The following CELF1 variants were observed in gnomAD, a reference collection of about 807,000 sequenced individuals.
CELF1 encodes the protein CUGBP Elav-like family member 1, also known as 50 kDa nuclear polyadenylated RNA-binding protein.
In CELF1, 10 loss-of-function variants were observed where a neutral mutation model predicts 61.8. The ratio of observed to expected loss-of-function variants is 0.16; its 90% confidence interval spans 0.10 to 0.27. The LOEUF (loss-of-function observed/expected upper bound fraction) is 0.27, where lower values mean the gene tolerates loss of function less well. Among genes scored for constraint, CELF1 ranks in the 10% least tolerant of loss-of-function variants. CELF1 has a pLI of 1.00. For synonymous variants in CELF1, 236 were observed against 225.1 expected (o/e 1.05, Z -0.43); for missense variants, 380 against 639.1 (o/e 0.59, Z 4.37).
At chr11:47,515,295 C>T (rs1306098306) in intron 1 of CELF1, among the ~76,000 whole-genome samples, 1 of 152,154 alleles carries the variant, frequency 6.6e-6, no homozygotes, top group African/African-American at 2.4e-5. Context: ...GAGCTCTGAA[C>T]CCACCGAGGG....
At chr11:47,542,440 C>T (rs943243546) in intron 1 of CELF1, among the ~76,000 whole-genome samples, 2 of 151,874 alleles carry the variant, frequency 1.3e-5, no homozygotes, top group South Asian at 2.1e-4. Context: ...TAAGTGAGAT[C>T]CATTAGGTAT....
intron 9 of CELF1, 78 bp from the exon 10 acceptor site, chr11:47,479,030 C>T (rs1018052797): frequency 1.1e-5 from 13 of 1,228,364 alleles, no homozygotes; most frequent in Non-Finnish European, 1.5e-5. Context: ...TACAGCACAG[C>T]AAAGCGAGAG....
At chr11:47,519,479 C>CTAAATTAAA (rs1405051746) in intron 1 of CELF1, among the ~76,000 whole-genome samples, 1 of 144,928 alleles carries the variant, frequency 6.9e-6, no homozygotes, top group African/African-American at 2.6e-5. Flanking sequence ...GACTCCATCT[C>CTAAATTAAA]TAAATAAATA....
At chr11:47,489,955 T>TTTTTTTTTTTTTTTTTTTTTTA (rs71042675) in intron 3 of CELF1, among the ~76,000 whole-genome samples, 2 of 141,372 alleles carry the variant, frequency 1.4e-5, no homozygotes, top group Non-Finnish European at 3.1e-5. Context: ...TTTTTTTTTT[T>TTTTTTTTTTTTTTTTTTTTTTA]GAGACGGAAT....
chr11:47,467,949 T>C lies in CELF1; in HGVS notation c.*4281A>G, dbSNP rs1256311097. 2.0e-5 allele frequency: 3 copies of C among 152,130 alleles called. No homozygotes were observed. The highest frequency in any genetic ancestry group is 4.4e-5 in the Non-Finnish European group (3 of 68,020). The allele number at this position is 152,130 out of a possible 1,614,324, so 9.4% of individuals were successfully genotyped here. On this transcript the variant is annotated 3_prime_UTR_variant, in exon 15 of 15. Transcript: ENST00000687097. ...AATCGATCAGTTTTTGCACAAACTA[T>C]AGAAAACAGAGAGGTGAAGGTGATA...
rs749857958 is a variant in CELF1 at position 47,483,471 on chromosome 11, G to C, written c.588C>G (p.His196Gln). The C allele has an allele frequency of 1.9e-6, 3 of 1,613,874 alleles. No homozygotes were observed. The highest frequency in any genetic ancestry group is 1.7e-5 in the Admixed American group (1 of 59,984). The change falls in exon 8 of 15, where the codon CAC becomes CAG. Residue 196 changes from histidine to glutamine, a missense_variant. Transcript: ENST00000687097. ...AMAQTAIKAM[H>Q]QAQTMEGCSS... ...TCCCTACCTCCATGGTCTGTGCTTG[G>C]TGCATTGCCTTGATAGCCGTCTGTG... is the stretch of plus-strand genomic sequence containing the variant.
At chr11:47,542,206 C>A (rs545106531) in intron 1 of CELF1, among the ~76,000 whole-genome samples, 1 of 152,270 alleles carries the variant, frequency 6.6e-6, no homozygotes, top group East Asian at 1.9e-4. Flanking sequence ...CCCATCTCTA[C>A]TAAAAATACA....
At chr11:47,545,227 C>T (rs1372758964) in intron 1 of CELF1, among the ~76,000 whole-genome samples, 1 of 151,408 alleles carries the variant, frequency 6.6e-6, no homozygotes, top group African/African-American at 2.4e-5. Context: ...GTCGGGAATT[C>T]GAGACCAGCC....
At position 47,564,007 on chromosome 11, in the gene CELF1, A is replaced by AAAAC. The variant is rs555892623; in HGVS notation, c.-11+340_-11+343dup. ...GTGACAAGAGTGAAACTCTATCTTA[A>AAAAC]AAACAAACAAACAAACAAAATCTCC... On this transcript the variant is annotated intron_variant, in intron 2 of 3. Transcript: ENST00000525841. Among the ~76,000 whole-genome samples, 89 of 150,994 alleles carry AAAAC rather than the reference A, an allele frequency of 5.9e-4. 1 individual carries two copies. The highest frequency in any genetic ancestry group is 2.0e-3 in the African/African-American group (82 of 41,110).
chr11:47,493,332 C>T (rs1318372493), intron 3 of CELF1, among the ~76,000 whole-genome samples: 1 of 91,256 alleles, frequency 1.1e-5, no homozygotes, highest in African/African-American at 4.2e-5. Flanking sequence ...GAAACCCCGT[C>T]CCTACTTAAA....
chr11:47,516,525 T>G (rs572730924), intron 1 of CELF1, among the ~76,000 whole-genome samples: 1 of 152,176 alleles, frequency 6.6e-6, no homozygotes, highest in Non-Finnish European at 1.5e-5. Flanking sequence ...CTATGTTTAT[T>G]CTAGCAACTC....
In CELF1 at chr11:47,475,524, T is replaced by C; in HGVS notation, c.1088-3A>G. Reference sequence around the variant, plus strand: ...GCCACCATTTAAAGCAGCCATTCCTTGGTTGGAGGAAGAGAAGGATTAATA... The same window carrying C: ...GCCACCATTTAAAGCAGCCATTCCTCGGTTGGAGGAAGAGAAGGATTAATA... On this transcript the variant is annotated splice_polypyrimidine_tract_variant and splice_region_variant and intron_variant, in intron 12 of 14. Transcript: ENST00000687097. The C allele has an allele frequency of 3.1e-6, 5 of 1,613,740 alleles. No individual in the cohort carries two copies. Among genetic ancestry groups the C allele is most frequent in the Non-Finnish European group, 4.2e-6 (5 of 1,179,900 alleles).
rs2153341084 is a variant in CELF1, at chr11:47,469,372, GGGAACCCA to G, written c.*2850_*2857del. On this transcript the variant is annotated 3_prime_UTR_variant, in exon 15 of 15. Coordinates refer to ENST00000687097, the MANE Select transcript of CELF1 (RefSeq NM_001376376.1). ...TCCATCCAGGCCCTGGCCACTCAAG[GGGAACCCA>G]GGAGACAGTGGTCTGGCTGCATTCA... is the stretch of plus-strand genomic sequence containing the variant. The G allele has an allele frequency of 6.6e-6, 1 of 152,328 alleles. No homozygotes were observed. Among genetic ancestry groups the G allele is most frequent in the East Asian group, 1.9e-4 (1 of 5,182 alleles). The allele number at this position is 152,328 out of a possible 1,614,324, so 9.4% of individuals were successfully genotyped here. A position where few individuals can be genotyped will look rare whatever the true frequency, so the allele number is the denominator to read the frequency against.
At position 47,489,041 on chromosome 11, in the gene CELF1, G is replaced by T; in HGVS notation, c.72-17C>A. ...TTCTTTGAGCTGTGTGAGATAAAAT[G>T]AAACTTCTATTATGTAATAATGTTG... On this transcript the variant is annotated splice_polypyrimidine_tract_variant and intron_variant, in intron 3 of 14. Coordinates refer to ENST00000687097, the MANE Select transcript of CELF1 (RefSeq NM_001376376.1). 1 of 1,530,930 alleles carries T rather than the reference G, an allele frequency of 6.5e-7. No homozygotes were observed. Among genetic ancestry groups the T allele is most frequent in the African/African-American group, 1.4e-5 (1 of 70,496 alleles). The allele number at this position is 1,530,930 out of a possible 1,614,324, so 94.8% of individuals were successfully genotyped here. A position where few individuals can be genotyped will look rare whatever the true frequency, so the allele number is the denominator to read the frequency against.
At chr11:47,557,524 C>CTTTTTCTT (rs1555194247), upstream of CELF1, 2 of 3,026 alleles carry the variant, frequency 6.6e-4, no homozygotes, top group Middle Eastern at 0.083. Context: ...GCCTATTTTT[C>CTTTTTCTT]TTTTTTTTTT....
In CELF1 at chr11:47,500,910, G is replaced by GA. The variant is rs2093813153; in HGVS notation, c.-132dup. On this transcript the variant is annotated 5_prime_UTR_variant, in exon 2 of 15. Coordinates refer to ENST00000687097, the MANE Select transcript of CELF1 (RefSeq NM_001376376.1). ...CTCAGTTCACAACACAGGGAACTTT[G>GA]AAAAAAAGAAGTTATGTTCAGCCTG... The GA allele has an allele frequency of 5.0e-6, 2 of 396,876 alleles. No homozygotes were observed. Among genetic ancestry groups the GA allele is most frequent in the South Asian group, 1.3e-4 (1 of 7,832 alleles). 24.6% of individuals were successfully genotyped at this position (396,876 alleles called of 1,614,324 possible).
intron 1 of CELF1, chr11:47,513,927 T>C (rs2095399078): frequency 6.7e-5 from 1 of 14,980 alleles, no homozygotes; most frequent in South Asian, 4.7e-3. Context: ...TACACAAAAT[T>C]TTCCTTTTTT....
chr11:47,484,266 G>A, intron 7 of CELF1, 123 bp downstream of exon 7: 1 of 1,012,618 alleles, frequency 9.9e-7, no homozygotes, highest in African/African-American at 1.7e-5. Flanking sequence ...AGTGAGTTGT[G>A]AAGGCACCAC....
chr11:47,507,658 A>G (rs549074775), intron 1 of CELF1, among the ~76,000 whole-genome samples: 6 of 152,328 alleles, frequency 3.9e-5, no homozygotes, highest in Non-Finnish European at 7.3e-5. Flanking sequence ...TTCACTACAG[A>G]CAATAAACTA....
Sources: allele counts gnomAD v4.1 joint callset (sites outside exome capture counted in the v4.1 genomes callset), GRCh38; gene constraint gnomAD v4.1.1; transcripts MANE v1.5; gene names NCBI Gene and HGNC (gene_info 2026-07-23, HGNC 2026-07-21).